Variants in TIAM2 observed in about 807,000 individuals in gnomAD.
TIAM2 encodes TIAM Rac1 associated GEF 2.
In TIAM2, 80 loss-of-function variants were observed where a neutral mutation model predicts 152.9. That is an observed-to-expected ratio of 0.52 (90% CI 0.44 to 0.63). The LOEUF (loss-of-function observed/expected upper bound fraction) is 0.63, where lower values mean the gene tolerates loss of function less well. TIAM2 is among the 30% of genes least tolerant of loss of function. TIAM2 has a pLI of 0.00. For missense variants in TIAM2, 1,965 were observed against 2,120.1 expected (o/e 0.93, Z 1.44); for synonymous variants, 804 against 838.0 (o/e 0.96, Z 0.70).
Position 155,114,036 on chromosome 6 carries a change from A to ATATTT in TIAM2, c.-117-13453_-117-13452insATTTT. ...ACTTTATATATATATATATATATAT[A>ATATTT]TTTTTTTTTTTTTCTTTTTTTTTTT... is the stretch of plus-strand genomic sequence containing the variant. On this transcript the variant is annotated intron_variant, in intron 2 of 26. Transcript: ENST00000682666. 8.9e-4 allele frequency among the ~76,000 whole-genome samples: 31 copies of ATATTT among 34,904 alleles called. 1 individual carries two copies. The highest frequency in any genetic ancestry group is 2.1e-3 in the East Asian group (3 of 1,412). The allele number at this position is 34,904 out of a possible 152,430, so 22.9% of individuals were successfully genotyped here. A position where few individuals can be genotyped will look rare whatever the true frequency, so the allele number is the denominator to read the frequency against.
chr6:155,231,577 G>A (rs946885936), intron 15 of TIAM2, among the ~76,000 whole-genome samples: 1 of 152,200 alleles, frequency 6.6e-6, no homozygotes, highest in African/African-American at 2.4e-5. Flanking sequence ...GAGCATGCCG[G>A]TCCAGGAGAA....
chr6:155,068,633 T>G (rs985078222), intron 1 of TIAM2, among the ~76,000 whole-genome samples: 1 of 145,684 alleles, frequency 6.9e-6, no homozygotes, highest in East Asian at 2.1e-4. Flanking sequence ...AATTTTTGTA[T>G]TTTTGTAGAG....
intron 1 of TIAM2, among the ~76,000 whole-genome samples, chr6:155,063,781 C>CCAAA (rs1777635822): frequency 1.1e-5 from 1 of 91,100 alleles, no homozygotes; most frequent in African/African-American, 4.5e-5. Context: ...GACTCTGTCT[C>CCAAA]AAAAAAAAAA....
intron 2 of TIAM2, among the ~76,000 whole-genome samples, chr6:155,094,738 GTTT>G (rs1778381632): frequency 1.4e-5 from 2 of 141,990 alleles, no homozygotes; most frequent in African/African-American, 2.6e-5. Context: ...TTTTTTTTTT[GTTT>G]TTTTGTTTTT....
chr6:155,239,843 G>A (rs936994079), intron 15 of TIAM2, among the ~76,000 whole-genome samples: 1 of 152,210 alleles, frequency 6.6e-6, no homozygotes, highest in African/African-American at 2.4e-5. Context: ...CAGGCCTTAT[G>A]TGTCCTCTGC....
chr6:155,094,087 G>A (rs550769388), intron 2 of TIAM2, among the ~76,000 whole-genome samples: 20 of 152,192 alleles, frequency 1.3e-4, no homozygotes, highest in African/African-American at 2.9e-4. Flanking sequence ...GATTGCCTGC[G>A]TTTAAAAACT....
rs568377492 is a variant in TIAM2 at position 155,162,258 on chromosome 6, G to A, written c.2029-2157G>A. Among the ~76,000 whole-genome samples, 7 of 152,244 alleles carry A rather than the reference G, an allele frequency of 4.6e-5. No homozygotes were observed. The South Asian group carries it at 1.0e-3, about 23-fold the overall frequency. On this transcript the variant is annotated intron_variant, in intron 7 of 26. Transcript: ENST00000682666. ...CAGGCATGAGCCACTGTGCCTTGCC[G>A]ACTCATTCATTTTCTTTCCTCTTAT...
intron 6 of TIAM2, among the ~76,000 whole-genome samples, chr6:155,145,413 G>A (rs541267055): frequency 4.6e-5 from 7 of 152,282 alleles, no homozygotes; most frequent in Non-Finnish European, 7.4e-5. Context: ...AAGTGATCTT[G>A]GAGCGCGTAC....
At chr6:155,009,448 A>G (rs1778451970) in intron 1 of TIAM2, among the ~76,000 whole-genome samples, 2 of 151,924 alleles carry the variant, frequency 1.3e-5, no homozygotes, top group South Asian at 4.2e-4. Context: ...CATCTCTATG[A>G]TGTTTCTAGG....
chr6:155,137,059 GA>G, intron 4 of TIAM2, 117 bp from the exon 5 acceptor site: 1 of 1,093,046 alleles, frequency 9.1e-7, no homozygotes, highest in Non-Finnish European at 1.3e-6. Flanking sequence ...TTTGTTACAA[GA>G]ATCTTGCTTT....
intron 1 of TIAM2, among the ~76,000 whole-genome samples, chr6:155,031,099 G>A (rs961595799): frequency 2.4e-4 from 36 of 152,178 alleles, no homozygotes; most frequent in African/African-American, 8.0e-4. Context: ...GACACTTTGT[G>A]TCTTATTTAA....
intron 1 of TIAM2, among the ~76,000 whole-genome samples, chr6:155,050,257 C>T (rs1777288166): frequency 6.6e-6 from 1 of 152,120 alleles, no homozygotes; most frequent in Admixed American, 6.5e-5. Flanking sequence ...GTCTCGTGAC[C>T]TCAAGTGATC....
rs751672391 is a variant in TIAM2 at position 155,129,829 on chromosome 6, T to C, written c.606T>C (p.Pro202=). The C allele has an allele frequency of 3.1e-6, 5 of 1,613,658 alleles. No homozygotes were observed. Among genetic ancestry groups the C allele is most frequent in the African/African-American group, 1.3e-5 (1 of 75,044 alleles). ...CGGTGCAGCTGCTGAGGTACTCACC[T>C]ACCTTAGCATCGGAAACCTCCCCTG... ...SEPVQLLRYS[P]TLASETSPVP... Residue 202 remains proline, a synonymous_variant, in exon 4 of 27, where the codon CCT becomes CCC. Transcript: ENST00000682666. This position sits in a 1 kb window ranked among gnomAD's most constrained non-coding sequence, Gnocchi z 4.8.
At chr6:155,125,836 T>G (rs1043602377) in intron 2 of TIAM2, among the ~76,000 whole-genome samples, 1 of 150,880 alleles carries the variant, frequency 6.6e-6, no homozygotes, top group African/African-American at 2.4e-5. Context: ...AGACTCTGTC[T>G]CCAAAAAAAG....
In TIAM2 at chr6:155,144,723, A is replaced by G; in HGVS notation, c.1748A>G (p.Lys583Arg). ...GTGCAGTCTGTTCCAGAGCATCCCA[A>G]GAAAGAAAATGTGTTCTGCCTCAGC... ...SIVQSVPEHP[K>R]KENVFCLSNS... The change falls in exon 6 of 27, where the codon AAG becomes AGG. Residue 583 changes from lysine to arginine, a missense_variant. Coordinates refer to ENST00000682666, the MANE Select transcript of TIAM2 (RefSeq NM_012454.4). 6.2e-7 allele frequency: 1 copy of G among 1,610,896 alleles called. No individual in the cohort carries two copies. The highest frequency in any genetic ancestry group is 1.1e-5 in the South Asian group (1 of 90,162).
chr6:155,148,066 T>A, intron 6 of TIAM2, 44 bp from the exon 7 acceptor site: 1 of 1,599,368 alleles, frequency 6.3e-7, no homozygotes, highest in Non-Finnish European at 8.6e-7. Flanking sequence ...AGCACTTTAG[T>A]GGTAAAATGA....
At chr6:155,202,110 T>A (rs1781483691) in intron 14 of TIAM2, among the ~76,000 whole-genome samples, 1 of 152,236 alleles carries the variant, frequency 6.6e-6, no homozygotes, top group African/African-American at 2.4e-5. Flanking sequence ...TAGGTAATAA[T>A]AAATGGTGAT....
chr6:155,201,129 A>G (rs990641470), intron 14 of TIAM2, among the ~76,000 whole-genome samples: 1 of 152,182 alleles, frequency 6.6e-6, no homozygotes, highest in Admixed American at 6.5e-5. Context: ...TCCATGTTGT[A>G]GTATGAATCA....
chr6:155,206,093 C>T (rs2115199857), intron 14 of TIAM2, among the ~76,000 whole-genome samples: 1 of 152,264 alleles, frequency 6.6e-6, no homozygotes, highest in Non-Finnish European at 1.5e-5. Flanking sequence ...GGTACTGACG[C>T]ACAGTTCAGG....
Sources: gnomAD v4.1 joint callset for allele counts (sites outside exome capture counted in the v4.1 genomes callset) on GRCh38, gnomAD v4.1.1 for gene constraint, Gnocchi (gnomAD v3.1) non-coding constraint, MANE v1.5 for transcripts, NCBI Gene and HGNC (gene_info 2026-07-23, HGNC 2026-07-21) for gene names.